RELCH: variants seen among roughly 807,000 people sequenced by gnomAD.
The protein encoded by RELCH is RAB11-binding protein RELCH.
A neutral mutation model predicts 150.3 loss-of-function variants in RELCH; 41 were observed. The ratio of observed to expected loss-of-function variants is 0.27; its 90% CI spans 0.21 to 0.35. The LOEUF is 0.35. RELCH is among the 10% of genes least tolerant of loss of function. The pLI is 1.00. For missense variants in RELCH, 1,092 were observed against 1,467.8 expected (o/e 0.74, Z 4.18); for synonymous variants, 478 against 531.8 (o/e 0.90, Z 1.39).
rs2042312369 is a variant in RELCH, at chr18:62,244,658, T to C, written c.1621-106T>C. On this transcript the variant is annotated intron_variant, in intron 10 of 28. Coordinates refer to ENST00000644646, the MANE Select transcript of RELCH (RefSeq NM_001346231.2). The stretch of plus-strand genomic sequence containing the variant: ...AATTAAAATTTACCCTTTTGTTTAC[T>C]GAGGTTTATTTCACTTTAAATGTCC... 8.7e-6 allele frequency: 6 copies of C among 688,294 alleles called. No individual in the cohort carries two copies. The African/African-American group carries it at 1.1e-4, about 12-fold the overall frequency. 42.6% of individuals were successfully genotyped at this position (688,294 alleles called of 1,614,324 possible). A position where few individuals can be genotyped will look rare whatever the true frequency, so the allele number is the denominator to read the frequency against.
Position 62,264,155 on chromosome 18 carries a change from C to T in RELCH, c.2507+10C>T. The stretch of plus-strand genomic sequence containing the variant: ...GGGTTGTCAATCAATTGTAAGTTAC[C>T]ACCTCCATATTAATTTGAATAGATG... On this transcript the variant is annotated intron_variant, in intron 17 of 28. Coordinates refer to ENST00000644646, the MANE Select transcript of RELCH (RefSeq NM_001346231.2). 1 of 1,587,688 alleles carries T rather than the reference C, an allele frequency of 6.3e-7. No homozygotes were observed. Among genetic ancestry groups the T allele is most frequent in the Non-Finnish European group, 8.6e-7 (1 of 1,166,834 alleles).
intron 2 of RELCH, 102 bp from the exon 3 acceptor site, chr18:62,220,935 T>G (rs1032819840): frequency 2.2e-6 from 2 of 919,742 alleles, no homozygotes; most frequent in African/African-American, 3.4e-5. Flanking sequence ...CAATACAAAT[T>G]GTATTTTTTT....
chr18:62,310,084 T>C lies in RELCH; in HGVS notation c.*4550T>C, dbSNP rs969507905. The C allele has an allele frequency of 1.4e-5, 1 of 70,490 alleles. No homozygotes were observed. Among genetic ancestry groups the C allele is most frequent in the Non-Finnish European group, 3.2e-5 (1 of 31,530 alleles). The allele number at this position is 70,490 out of a possible 1,614,324, so 4.4% of individuals were successfully genotyped here. ...CTATAAAATGTACATTGCTGAGTAA[T>C]ATAAATATAATAATTTCTCATTGAC... On this transcript the variant is annotated 3_prime_UTR_variant, in exon 29 of 29. Coordinates refer to ENST00000644646, the MANE Select transcript of RELCH (RefSeq NM_001346231.2).
At chr18:62,287,220 G>T (rs927909729) in intron 25 of RELCH, 131 bp from the exon 26 acceptor site, 3 of 613,538 alleles carry the variant, frequency 4.9e-6, no homozygotes, top group South Asian at 3.9e-5. Flanking sequence ...TAAGATATGG[G>T]TAATCTTTTG....
At chr18:62,239,722 A>T (rs1207981086) in intron 10 of RELCH, among the ~76,000 whole-genome samples, 1 of 151,802 alleles carries the variant, frequency 6.6e-6, no homozygotes, top group Non-Finnish European at 1.5e-5. Flanking sequence ...TTGCTGCCAT[A>T]CTTTTTTGCC....
intron 12 of RELCH, among the ~76,000 whole-genome samples, chr18:62,254,352 G>A (rs913132995): frequency 2.0e-5 from 3 of 151,858 alleles, no homozygotes; most frequent in African/African-American, 4.8e-5. Context: ...TCATGCTTTT[G>A]GATGCTATTG....
At chr18:62,288,053 A>G (rs1482468477) in intron 26 of RELCH, among the ~76,000 whole-genome samples, 1 of 152,124 alleles carries the variant, frequency 6.6e-6, no homozygotes, top group Non-Finnish European at 1.5e-5. Flanking sequence ...TTTATAGTTA[A>G]AAGCAAAACT....
At chr18:62,267,535 T>TAC (rs1284143263) in intron 19 of RELCH, among the ~76,000 whole-genome samples, 2 of 149,556 alleles carry the variant, frequency 1.3e-5, no homozygotes, top group Non-Finnish European at 3.0e-5. Context: ...TATATATATA[T>TAC]ACACACACCT....
chr18:62,214,203 A>G (rs147666483), intron 2 of RELCH, among the ~76,000 whole-genome samples: 223 of 152,316 alleles, frequency 1.5e-3, no homozygotes, highest in Non-Finnish European at 2.2e-3. Context: ...GAGCATATAT[A>G]ATCCCAAGAG....
In RELCH at chr18:62,258,534, C is replaced by G; in HGVS notation, c.2060C>G (p.Ala687Gly). The G allele has an allele frequency of 1.9e-6, 3 of 1,607,062 alleles. No individual in the cohort carries two copies. Among genetic ancestry groups the G allele is most frequent in the Non-Finnish European group, 2.5e-6 (3 of 1,177,366 alleles). The change falls in exon 15 of 29, where the codon GCC becomes GGC. Residue 687 changes from alanine to glycine, a missense_variant. Around this residue, in one of 4 missense-constraint regions of RELCH, gnomAD observed 707 missense variants for 1,025.4 expected, o/e 0.69. Transcript: ENST00000644646. The part of the protein sequence containing the change: ...YHQGFELLLS[A>G]LGDPSERVVS... The stretch of plus-strand genomic sequence containing the variant: ...CAGGGTTTTGAATTGTTGCTGTCAG[C>G]CTTGGGTGATCCCTCAGAAAGAGTA...
At chr18:62,239,792 C>T (rs2042050494) in intron 10 of RELCH, among the ~76,000 whole-genome samples, 1 of 151,968 alleles carries the variant, frequency 6.6e-6, no homozygotes, top group Non-Finnish European at 1.5e-5. Flanking sequence ...TATTGTTTTC[C>T]TTATACCCTT....
chr18:62,295,909 C>T (rs969004801), intron 27 of RELCH, among the ~76,000 whole-genome samples: 2 of 152,110 alleles, frequency 1.3e-5, no homozygotes, highest in Non-Finnish European at 1.5e-5. Flanking sequence ...TTAGCTGTAT[C>T]CCATGCATTT....
intron 12 of RELCH, among the ~76,000 whole-genome samples, chr18:62,253,029 C>A (rs760244726): frequency 7.9e-5 from 12 of 151,964 alleles, no homozygotes; most frequent in Non-Finnish European, 1.5e-4. Flanking sequence ...CAAAGACATC[C>A]TAATGGGAAA....
At position 62,306,141 on chromosome 18, in the gene RELCH, A is replaced by G. The variant is rs1175822716; in HGVS notation, c.*607A>G. The stretch of plus-strand genomic sequence containing the variant: ...ATTACAAATCCTACAGTCAATAGCT[A>G]AAGACGAAACCTTCATTTCAGAACT... On this transcript the variant is annotated 3_prime_UTR_variant, in exon 29 of 29. Transcript: ENST00000644646. 1 of 152,602 alleles carries G rather than the reference A, an allele frequency of 6.6e-6. No individual in the cohort carries two copies. Among genetic ancestry groups the G allele is most frequent in the African/African-American group, 2.4e-5 (1 of 41,434 alleles). 9.5% of individuals were successfully genotyped at this position (152,602 alleles called of 1,614,324 possible).
chr18:62,210,339 C>CT (rs1443172096), intron 1 of RELCH, among the ~76,000 whole-genome samples: 3 of 152,056 alleles, frequency 2.0e-5, no homozygotes, highest in Non-Finnish European at 4.4e-5. Flanking sequence ...TATGTTAGAC[C>CT]TTTTTTATTG....
chr18:62,205,802 A>T (rs2039741103), intron 1 of RELCH, among the ~76,000 whole-genome samples: 2 of 152,142 alleles, frequency 1.3e-5, no homozygotes. Flanking sequence ...AGGCAGGAGG[A>T]TTGCTCGAAC....
intron 5 of RELCH, among the ~76,000 whole-genome samples, chr18:62,221,891 A>G (rs532809926): frequency 6.6e-6 from 1 of 152,128 alleles, no homozygotes; most frequent in East Asian, 1.9e-4. Context: ...TTAGATAAAT[A>G]TATGACAGTA....
Position 62,291,597 on chromosome 18 carries a change from G to C in RELCH, c.3425G>C (p.Arg1142Pro). 1 of 1,609,154 alleles carries C rather than the reference G, an allele frequency of 6.2e-7. No homozygotes were observed. Among genetic ancestry groups the C allele is most frequent in the Non-Finnish European group, 8.5e-7 (1 of 1,177,384 alleles). ...NHFLPGLRCL[R>P]TDMEHLSPEH... ...TTTTTACCTGGTCTCAGATGTTTACGGACTGACATGGAACATCTCTCTCCA... is the reference window on the plus strand; with the variant it reads ...TTTTTACCTGGTCTCAGATGTTTACCGACTGACATGGAACATCTCTCTCCA... Residue 1142 changes from arginine to proline, a missense_variant, in exon 27 of 29, where the codon CGG becomes CCG. Physicochemically the swap from Arg to Pro is moderately radical, Grantham distance 103. Transcript: ENST00000644646.
chr18:62,252,908 A>T (rs2042798014), intron 12 of RELCH, among the ~76,000 whole-genome samples, 154 bp downstream of exon 12: 1 of 152,182 alleles, frequency 6.6e-6, no homozygotes, highest in African/African-American at 2.4e-5. Context: ...AGTACTTACG[A>T]ATGCTCTGGG....
Sources: allele counts gnomAD v4.1 joint callset (sites outside exome capture counted in the v4.1 genomes callset), GRCh38; gene constraint gnomAD v4.1.1; regional missense constraint gnomAD v4.1.1; transcripts MANE v1.5; gene names NCBI Gene and HGNC (gene_info 2026-07-23, HGNC 2026-07-21).